ERC2: variants seen among roughly 807,000 people sequenced by gnomAD.
The protein encoded by ERC2 is ERC protein 2.
A neutral mutation model predicts 114.8 loss-of-function variants in ERC2; 42 were observed. That is an observed-to-expected ratio of 0.37 (90% CI 0.29 to 0.47). ERC2 has a LOEUF of 0.47. ERC2 is among the 20% of genes least tolerant of loss of function. ERC2 has a pLI of 0.99. For synonymous variants in ERC2, 454 were observed against 425.5 expected, an observed-to-expected ratio of 1.07 and a Z score of -0.82; for missense variants, 939 against 1,150.7, an observed-to-expected ratio of 0.82 and a Z score of 2.66.
chr3:56,242,828 C>T (rs910055137), intron 3 of ERC2, among the ~76,000 whole-genome samples: 3 of 152,168 alleles, frequency 2.0e-5, no homozygotes, highest in African/African-American at 7.2e-5. Context: ...CTTACTCTCC[C>T]AGCAGCACCT....
chr3:55,734,646 C>T (rs1223720045), intron 15 of ERC2, 125 bp downstream of exon 15: 4 of 1,189,816 alleles, frequency 3.4e-6, no homozygotes, highest in Non-Finnish European at 3.5e-6. Context: ...CATTGCACTC[C>T]TACCTGGTTT....
chr3:55,754,157 A>G (rs1203464570), intron 14 of ERC2, among the ~76,000 whole-genome samples: 1 of 146,356 alleles, frequency 6.8e-6, no homozygotes, highest in Non-Finnish European at 1.5e-5. Context: ...CAAATCACCG[A>G]TCTCTACAGA....
chr3:56,039,875 C>T (rs1248989139), intron 7 of ERC2, among the ~76,000 whole-genome samples: 6 of 151,928 alleles, frequency 3.9e-5, no homozygotes, highest in East Asian at 3.9e-4. Context: ...GCAAAATTGC[C>T]GGGAACATGC....
chr3:56,118,520 T>C (rs2079378893), intron 6 of ERC2, among the ~76,000 whole-genome samples: 1 of 152,174 alleles, frequency 6.6e-6, no homozygotes, highest in Non-Finnish European at 1.5e-5. Flanking sequence ...GAACATATTA[T>C]GTGCCAGGCA....
At chr3:56,309,891 A>G (rs1375404737) in intron 2 of ERC2, among the ~76,000 whole-genome samples, 1 of 152,224 alleles carries the variant, frequency 6.6e-6, no homozygotes, top group African/African-American at 2.4e-5. Flanking sequence ...GGGAAAAGAA[A>G]CGGGCATAAT....
At chr3:56,301,715 T>A (rs74361385) in intron 2 of ERC2, among the ~76,000 whole-genome samples, 8,156 of 150,150 alleles carry the variant, frequency 0.054, 514 homozygotes, top group African/African-American at 0.15. Context: ...AAAATAAAAA[T>A]AAAAAAAAAA....
chr3:56,258,639 G>A (rs560672470), intron 3 of ERC2, among the ~76,000 whole-genome samples: 58 of 152,324 alleles, frequency 3.8e-4, no homozygotes, highest in East Asian at 2.1e-3. Context: ...GGGCAACACA[G>A]CGAGACTCCG....
intron 12 of ERC2, among the ~76,000 whole-genome samples, chr3:55,963,181 C>T (rs75769716): frequency 0.013 from 2,037 of 152,272 alleles, 46 homozygotes; most frequent in African/African-American, 0.047. Flanking sequence ...CTGCAATTTC[C>T]CTGTTAATTT....
chr3:55,883,506 A>G (rs1353174898), intron 14 of ERC2, among the ~76,000 whole-genome samples: 1 of 151,648 alleles, frequency 6.6e-6, no homozygotes, highest in African/African-American at 2.4e-5. Context: ...GACACAAATC[A>G]GCACATGTAA....
rs187567436 is a variant in ERC2, at chr3:56,248,269, T to A, written c.1074+47750A>T. Among the ~76,000 whole-genome samples the A allele has an allele frequency of 4.1e-3, 616 of 152,032 alleles. 3 individuals carry two copies. Among genetic ancestry groups the A allele is most frequent in the African/African-American group, 0.013 (544 of 41,454 alleles). On this transcript the variant is annotated intron_variant, in intron 3 of 17. Coordinates refer to ENST00000288221, the MANE Select transcript of ERC2 (RefSeq NM_015576.3). ...CACCATGCCCAGGTAATTTAAAAAA[T>A]TTTTTTTACAGACAGAGTCTCGCTA...
chr3:56,052,062 T>G (rs771311216), intron 7 of ERC2, among the ~76,000 whole-genome samples: 5 of 152,130 alleles, frequency 3.3e-5, no homozygotes, highest in Non-Finnish European at 7.3e-5. Context: ...CCACTTCGCT[T>G]TAAAAGAAAC....
chr3:55,660,071 G>T (rs2061056340), intron 17 of ERC2, among the ~76,000 whole-genome samples: 1 of 151,454 alleles, frequency 6.6e-6, no homozygotes, highest in Non-Finnish European at 1.5e-5. Flanking sequence ...TGCATCATTA[G>T]CTTCTCATGC....
In ERC2 at chr3:56,059,337, C is replaced by T. The variant is rs553593650; in HGVS notation, c.1641+21480G>A. The stretch of plus-strand genomic sequence containing the variant: ...ATCTCTTGACCTCGTGATCTGCCCA[C>T]CTCGGCCTCCCAAAGTGCTAAGATT... On this transcript the variant is annotated intron_variant, in intron 7 of 17. Coordinates refer to ENST00000288221, the MANE Select transcript of ERC2 (RefSeq NM_015576.3). Among the ~76,000 whole-genome samples the T allele has an allele frequency of 5.3e-5, 8 of 152,248 alleles. 1 individual carries two copies. The South Asian group carries it at 1.7e-3, about 32-fold the overall frequency.
At chr3:55,877,304 A>G (rs2062898310) in intron 14 of ERC2, among the ~76,000 whole-genome samples, 1 of 152,038 alleles carries the variant, frequency 6.6e-6, no homozygotes, top group Non-Finnish European at 1.5e-5. Context: ...ACCACCCCCA[A>G]TTAAGGCCTC....
At chr3:55,895,194 T>A (rs533726823) in intron 13 of ERC2, among the ~76,000 whole-genome samples, 1 of 152,320 alleles carries the variant, frequency 6.6e-6, no homozygotes, top group South Asian at 2.1e-4. Flanking sequence ...TTAAGATTGG[T>A]TAGGTTACTG....
chr3:56,456,791 G>A (rs1420718068), intron 1 of ERC2, among the ~76,000 whole-genome samples: 2 of 152,200 alleles, frequency 1.3e-5, no homozygotes, highest in African/African-American at 4.8e-5. Flanking sequence ...TGCACAAACT[G>A]TTGTACAAAT....
At chr3:56,410,505 G>A (rs967860075) in intron 2 of ERC2, among the ~76,000 whole-genome samples, 1 of 152,178 alleles carries the variant, frequency 6.6e-6, no homozygotes, top group African/African-American at 2.4e-5. Context: ...ACCTCACCAT[G>A]GGAGAAACAG....
chr3:55,666,339 C>T (rs2061355923), intron 17 of ERC2, among the ~76,000 whole-genome samples: 1 of 152,180 alleles, frequency 6.6e-6, no homozygotes, highest in Non-Finnish European at 1.5e-5. Flanking sequence ...CACACCTTGA[C>T]TGTTGGTCCC....
intron 14 of ERC2, among the ~76,000 whole-genome samples, chr3:55,762,062 C>G (rs1295196355): frequency 6.6e-6 from 1 of 151,534 alleles, no homozygotes; most frequent in Non-Finnish European, 1.5e-5. Context: ...TGAGGGCTTC[C>G]CAGCCATGTG....
Sources: gnomAD v4.1 joint callset for allele counts (sites outside exome capture counted in the v4.1 genomes callset) on GRCh38, gnomAD v4.1.1 for gene constraint, MANE v1.5 for transcripts, NCBI Gene and HGNC (gene_info 2026-07-23, HGNC 2026-07-21) for gene names.